The following MYO1B variants were observed in gnomAD, a reference collection of about 807,000 sequenced individuals.
MYO1B encodes unconventional myosin-Ib.
In MYO1B, 72 loss-of-function variants were observed where a neutral mutation model predicts 159.7. The ratio of observed to expected loss-of-function variants is 0.45; its 90% CI spans 0.37 to 0.55. The LOEUF is 0.55. MYO1B is among the 20% of genes least tolerant of loss of function. The probability of loss-of-function intolerance (pLI) is 0.00; values close to 1 mark genes in which losing one functional copy is unlikely to be tolerated. For synonymous variants in MYO1B, 468 were observed against 473.8 expected (o/e 0.99, Z 0.16); for missense variants, 1,062 against 1,364.8 (o/e 0.78, Z 3.50).
Position 191,278,744 on chromosome 2 carries a change from C to T in MYO1B, c.135+1714C>T, listed in dbSNP as rs548826073. ...AGTACTGCCTGGTGTCACCTTCCCT[C>T]CAAGCGTAGCAGTTCTGCTTTCAGG... On this transcript the variant is annotated intron_variant, in intron 2 of 30. Coordinates refer to ENST00000392318, the MANE Select transcript of MYO1B (RefSeq NM_001130158.3). 3.9e-5 allele frequency among the ~76,000 whole-genome samples: 6 copies of T among 152,344 alleles called. No homozygotes were observed. In the East Asian group the frequency reaches 9.6e-4, roughly 24 times the overall value.
At chr2:191,350,590 A>T (rs905774522) in intron 7 of MYO1B, among the ~76,000 whole-genome samples, 6 of 152,104 alleles carry the variant, frequency 3.9e-5, no homozygotes, top group Admixed American at 2.6e-4. Context: ...TGATAAAAAA[A>T]ATATAAATAA....
rs73981520 is a variant in MYO1B, at chr2:191,260,035, G to T, written c.-10+14409G>T. Among the ~76,000 whole-genome samples, 798 of 152,166 alleles carry T rather than the reference G, an allele frequency of 5.2e-3. 9 individuals are homozygous for T. The highest frequency in any genetic ancestry group is 0.018 in the African/African-American group (753 of 41,530). ...AGGGTAGAGTGAGAAGAGGAAGGCGGAGGATAGAACTCTGGGAACATCATT... is the reference window on the plus strand; with the variant it reads ...AGGGTAGAGTGAGAAGAGGAAGGCGTAGGATAGAACTCTGGGAACATCATT... On this transcript the variant is annotated intron_variant, in intron 1 of 30. Transcript: ENST00000392318.
chr2:191,383,751 C>G (rs1574566581), intron 15 of MYO1B, among the ~76,000 whole-genome samples: 1 of 151,756 alleles, frequency 6.6e-6, no homozygotes, highest in South Asian at 2.1e-4. Context: ...TGGTTGGAGC[C>G]CAGGTCTATT....
At chr2:191,327,896 A>G (rs1274658965) in intron 3 of MYO1B, among the ~76,000 whole-genome samples, 4 of 152,228 alleles carry the variant, frequency 2.6e-5, no homozygotes, top group Non-Finnish European at 5.9e-5. Flanking sequence ...AGTACTTATT[A>G]TATGCAAGGC....
chr2:191,424,179 G>A lies in MYO1B; in HGVS notation c.*219G>A. ...GAGCAGGATTGTAGAAACTAACAGT[G>A]TCTATTTTCATGTCTGATGTGTTCT... On this transcript the variant is annotated 3_prime_UTR_variant, in exon 31 of 31. Coordinates refer to ENST00000392318, the MANE Select transcript of MYO1B (RefSeq NM_001130158.3). 1 of 518,570 alleles carries A rather than the reference G, an allele frequency of 1.9e-6. No individual in the cohort carries two copies. The highest frequency in any genetic ancestry group is 3.3e-6 in the Non-Finnish European group (1 of 300,138). The allele number at this position is 518,570 out of a possible 1,614,324, so 32.1% of individuals were successfully genotyped here.
intron 4 of MYO1B, among the ~76,000 whole-genome samples, chr2:191,339,972 A>T (rs1435550776): frequency 6.6e-6 from 1 of 152,186 alleles, no homozygotes; most frequent in Non-Finnish European, 1.5e-5. Flanking sequence ...AGATTGCCTC[A>T]TTATACCTGT....
intron 20 of MYO1B, among the ~76,000 whole-genome samples, chr2:191,393,730 T>C (rs1317107380): frequency 1.3e-5 from 2 of 152,216 alleles, no homozygotes; most frequent in Non-Finnish European, 2.9e-5. Flanking sequence ...TCTTTAGTCC[T>C]TAGGTATCTG....
In MYO1B at chr2:191,385,804, G is replaced by A. The variant is rs1364055562; in HGVS notation, c.1354-80G>A. Reference sequence around the variant, plus strand: ...CTTTTCTTGTGACTAAGTTGATTGTGTTTGATGGTGTAATTAGGAATAATT... The same window carrying A: ...CTTTTCTTGTGACTAAGTTGATTGTATTTGATGGTGTAATTAGGAATAATT... On this transcript the variant is annotated intron_variant, in intron 15 of 30. Coordinates refer to ENST00000392318, the MANE Select transcript of MYO1B (RefSeq NM_001130158.3). 3.6e-6 allele frequency: 5 copies of A among 1,406,024 alleles called. No homozygotes were observed. The Admixed American group carries it at 9.6e-5, about 27-fold the overall frequency. 87.1% of individuals were successfully genotyped at this position (1,406,024 alleles called of 1,614,324 possible). A position where few individuals can be genotyped will look rare whatever the true frequency, so the allele number is the denominator to read the frequency against.
chr2:191,318,776 G>A (rs1016672897), intron 3 of MYO1B, among the ~76,000 whole-genome samples: 2 of 152,360 alleles, frequency 1.3e-5, no homozygotes, highest in Non-Finnish European at 2.9e-5. Flanking sequence ...AGCAGTATTT[G>A]AGTGCTGTGC....
chr2:191,345,481 G>C (rs1468381998), intron 5 of MYO1B, among the ~76,000 whole-genome samples: 1 of 152,178 alleles, frequency 6.6e-6, no homozygotes, highest in African/African-American at 2.4e-5. Flanking sequence ...CAAGAGCACT[G>C]TGTGTCTGGA....
intron 1 of MYO1B, among the ~76,000 whole-genome samples, chr2:191,254,981 A>G (rs991845428): frequency 4.6e-5 from 7 of 152,076 alleles, no homozygotes; most frequent in African/African-American, 1.4e-4. Flanking sequence ...AGGCCGGAGT[A>G]CAGTGGTGTG....
intron 5 of MYO1B, among the ~76,000 whole-genome samples, chr2:191,345,441 C>T (rs984302672): frequency 1.3e-5 from 2 of 152,178 alleles, no homozygotes; most frequent in Non-Finnish European, 2.9e-5. Context: ...TCCTTTTACC[C>T]TATGACTCCG....
chr2:191,264,879 T>G (rs548323808), intron 1 of MYO1B, among the ~76,000 whole-genome samples: 20 of 151,934 alleles, frequency 1.3e-4, no homozygotes, highest in African/African-American at 4.8e-4. Flanking sequence ...CGTTGGAAGC[T>G]GGGACAAGAT....
chr2:191,347,136 C>T (rs1447966844), intron 6 of MYO1B, among the ~76,000 whole-genome samples: 1 of 152,232 alleles, frequency 6.6e-6, no homozygotes, highest in Non-Finnish European at 1.5e-5. Flanking sequence ...TTATGTGAGA[C>T]CCTTCCTGAC....
chr2:191,274,402 T>C (rs1224110132), intron 1 of MYO1B, among the ~76,000 whole-genome samples: 1 of 152,220 alleles, frequency 6.6e-6, no homozygotes, highest in Non-Finnish European at 1.5e-5. Flanking sequence ...TGCTTAATTA[T>C]TGTTACCTGC....
At chr2:191,290,618 TAGAC>T (rs1308228550) in intron 2 of MYO1B, among the ~76,000 whole-genome samples, 4 of 152,240 alleles carry the variant, frequency 2.6e-5, no homozygotes, top group Admixed American at 2.0e-4. Context: ...TGCACATAAA[TAGAC>T]ATACATACAC....
chr2:191,264,543 A>G (rs1687013756), intron 1 of MYO1B, among the ~76,000 whole-genome samples: 1 of 151,294 alleles, frequency 6.6e-6, no homozygotes, highest in East Asian at 1.9e-4. Context: ...TCCATTTTGT[A>G]GCTAACCATG....
At chr2:191,390,635 A>G in intron 18 of MYO1B, 143 bp downstream of exon 18, 1 of 965,628 alleles carries the variant, frequency 1.0e-6, no homozygotes, top group East Asian at 2.6e-5. Context: ...CCATTAGGAT[A>G]CCATTTTGTG....
intron 2 of MYO1B, among the ~76,000 whole-genome samples, chr2:191,294,070 A>G (rs1240009414): frequency 1.3e-5 from 2 of 152,200 alleles, no homozygotes; most frequent in Non-Finnish European, 2.9e-5. Flanking sequence ...GGTGGGCCAG[A>G]CACTGTTCTA....
Sources: allele counts gnomAD v4.1 joint callset (sites outside exome capture counted in the v4.1 genomes callset), GRCh38; gene constraint gnomAD v4.1.1; transcripts MANE v1.5; gene names NCBI Gene and HGNC (gene_info 2026-07-23, HGNC 2026-07-21).